Variants in RYR2 observed in about 807,000 individuals in gnomAD.
RYR2 encodes ryanodine receptor 2, also known as cardiac muscle ryanodine receptor-calcium release channel.
A neutral mutation model predicts 601.1 loss-of-function variants in RYR2; 227 were observed. That is an observed-to-expected ratio of 0.38 (90% confidence interval 0.34 to 0.42). The LOEUF is 0.42. Among genes scored for constraint, RYR2 ranks in the 10% least tolerant of loss-of-function variants. The pLI is 1.00. For missense variants in RYR2, 4,646 were observed against 6,156.5 expected (o/e 0.75, Z 8.21); for synonymous variants, 2,223 against 2,175.1 (o/e 1.02, Z -0.61).
chr1:237,586,599 A>G (rs941834084), intron 29 of RYR2, among the ~76,000 whole-genome samples: 3 of 152,226 alleles, frequency 2.0e-5, no homozygotes, highest in Non-Finnish European at 4.4e-5. Context: ...TCTGTCTGCC[A>G]TCTTCTTAGA....
intron 29 of RYR2, among the ~76,000 whole-genome samples, chr1:237,587,636 A>G (rs1277388762): frequency 1.3e-5 from 2 of 152,234 alleles, no homozygotes; most frequent in Admixed American, 6.5e-5. Context: ...GTCTCACGAA[A>G]AAAAGTATAT....
intron 16 of RYR2, among the ~76,000 whole-genome samples, chr1:237,468,545 A>G (rs776591322): frequency 3.0e-4 from 46 of 152,214 alleles, no homozygotes; most frequent in Non-Finnish European, 5.4e-4. Flanking sequence ...ATAAGAAAAT[A>G]AAAGGGTTTC....
intron 17 of RYR2, among the ~76,000 whole-genome samples, chr1:237,481,248 G>A (rs1662057836): frequency 6.6e-6 from 1 of 151,776 alleles, no homozygotes; most frequent in African/African-American, 2.4e-5. Flanking sequence ...AGCAAAATGT[G>A]CACTGCTTCT....
At chr1:237,184,714 T>G (rs1679158438) in intron 1 of RYR2, among the ~76,000 whole-genome samples, 1 of 152,222 alleles carries the variant, frequency 6.6e-6, no homozygotes, top group Non-Finnish European at 1.5e-5. Flanking sequence ...GTTCATACAT[T>G]AATATTTATC....
rs140037566 is a variant in RYR2 at position 237,249,335 on chromosome 1, G to A, written c.49-21162G>A. ...ACTGACCCAGTACAAGGTCCTCGTGGGTGATCAGATCTCACCAAAATTGGT... is the reference window on the plus strand; with the variant it reads ...ACTGACCCAGTACAAGGTCCTCGTGAGTGATCAGATCTCACCAAAATTGGT... On this transcript the variant is annotated intron_variant, in intron 1 of 104. Transcript: ENST00000366574. Among the ~76,000 whole-genome samples the A allele has an allele frequency of 4.1e-3, 617 of 152,198 alleles. 4 individuals are homozygous for A. Among genetic ancestry groups the A allele is most frequent in the African/African-American group, 0.014 (571 of 41,506 alleles).
intron 1 of RYR2, among the ~76,000 whole-genome samples, chr1:237,208,140 A>G (rs1455708969): frequency 6.6e-6 from 1 of 152,210 alleles, no homozygotes; most frequent in African/African-American, 2.4e-5. Context: ...ATATGCATGC[A>G]TTTTGTAATT....
intron 10 of RYR2, among the ~76,000 whole-genome samples, chr1:237,399,902 A>G (rs1190953414): frequency 6.6e-6 from 1 of 152,138 alleles, no homozygotes; most frequent in Non-Finnish European, 1.5e-5. Context: ...ACTAGGGGCA[A>G]GGAAGAACAA....
intron 84 of RYR2, 143 bp from the exon 85 acceptor site, chr1:237,770,664 G>T (rs1694197359): frequency 1.9e-6 from 1 of 527,278 alleles, no homozygotes. Flanking sequence ...ATGAGCTTCA[G>T]ATAGAAAAGT....
At chr1:237,743,615 C>T (rs747190796) in intron 80 of RYR2, 10 of 518,700 alleles carry the variant, frequency 1.9e-5, no homozygotes, top group East Asian at 5.4e-5. Flanking sequence ...AGGATCCCAA[C>T]GCAGCAAGGT....
At chr1:237,685,785 A>G (rs1686333465) in intron 62 of RYR2, among the ~76,000 whole-genome samples, 1 of 152,202 alleles carries the variant, frequency 6.6e-6, no homozygotes, top group African/African-American at 2.4e-5. Flanking sequence ...AGGCAGGTCA[A>G]GGGCCTCATG....
chr1:237,623,976 T>C (rs1573181977), intron 39 of RYR2, 106 bp downstream of exon 39: 10 of 724,854 alleles, frequency 1.4e-5, no homozygotes, highest in Non-Finnish European at 2.4e-5. Context: ...ATACACACGA[T>C]ACCTGTTAGA....
intron 1 of RYR2, among the ~76,000 whole-genome samples, chr1:237,053,170 A>G (rs1661498018): frequency 6.6e-6 from 1 of 152,068 alleles, no homozygotes; most frequent in Non-Finnish European, 1.5e-5. Flanking sequence ...TTTTTAGACT[A>G]TCCCGTTAGT....
Position 237,770,827 on chromosome 1 carries a change from G to T in RYR2, c.11497G>T (p.Asp3833Tyr). ...CACAGGAGAAAAGGTTCTGCAGGAC[G>T]ATGAGTTCACCTGTGACCTCTTCCG... ...EGSGEKVLQDDEFTCDLFRFL... is the reference protein window; with the variant it reads ...EGSGEKVLQDYEFTCDLFRFL... The change falls in exon 85 of 105, where the codon GAT (aspartate) becomes TAT (tyrosine). Residue 3833 changes from aspartate (D) to tyrosine (Y), a missense_variant. Physicochemically the swap from Asp to Tyr is radical, Grantham distance 160 (BLOSUM62 -3). Transcript: ENST00000366574. 1.3e-6 allele frequency: 2 copies of T among 1,553,624 alleles called. No homozygotes were observed. The highest frequency in any genetic ancestry group is 1.2e-5 in the South Asian group (1 of 84,274).
chr1:237,495,124 A>G (rs1396650871), intron 19 of RYR2, among the ~76,000 whole-genome samples: 1 of 152,156 alleles, frequency 6.6e-6, no homozygotes. Flanking sequence ...ATACATATAT[A>G]CTTATTGCAT....
In RYR2 at chr1:237,590,822, C is replaced by G; in HGVS notation, c.3990C>G (p.Pro1330=). The part of the protein sequence containing the change: ...GGLPGAGLFG[P]KNDLEDYDAD... Reference sequence around the variant, plus strand: ...TCCCTGGGGCTGGCCTTTTTGGGCCCAAGAATGACTTGGAAGATTATGATG... The same window carrying G: ...TCCCTGGGGCTGGCCTTTTTGGGCCGAAGAATGACTTGGAAGATTATGATG... The change falls in exon 31 of 105, where the codon CCC becomes CCG. Residue 1330 remains proline, a synonymous_variant. Transcript: ENST00000366574. 6.2e-7 allele frequency: 1 copy of G among 1,613,614 alleles called. No individual in the cohort carries two copies. Among genetic ancestry groups the G allele is most frequent in the Non-Finnish European group, 8.5e-7 (1 of 1,179,808 alleles).
chr1:237,709,135 G>T (rs756031954), intron 69 of RYR2, 37 bp downstream of exon 69: 3 of 1,511,698 alleles, frequency 2.0e-6, no homozygotes, highest in Middle Eastern at 1.8e-4. Context: ...TCTCCAATTC[G>T]GTCATAACGT....
At chr1:237,292,706 G>T (rs926501713) in intron 2 of RYR2, among the ~76,000 whole-genome samples, 2 of 152,150 alleles carry the variant, frequency 1.3e-5, no homozygotes, top group Non-Finnish European at 2.9e-5. Flanking sequence ...CATTTTCAAG[G>T]TTACACGTTA....
chr1:237,432,555 T>A (rs981953193), intron 12 of RYR2, among the ~76,000 whole-genome samples: 3 of 152,132 alleles, frequency 2.0e-5, no homozygotes, highest in East Asian at 1.9e-4. Context: ...ACTTCCAAAT[T>A]CTTCGAAATT....
At chr1:237,365,411 C>T (rs1700103179) in intron 5 of RYR2, among the ~76,000 whole-genome samples, 1 of 152,144 alleles carries the variant, frequency 6.6e-6, no homozygotes, top group African/African-American at 2.4e-5. Context: ...AGTGCGAATT[C>T]GGCGTTTTGG....
Sources: gnomAD v4.1 joint callset for allele counts (sites outside exome capture counted in the v4.1 genomes callset) on GRCh38, gnomAD v4.1.1 for gene constraint, MANE v1.5 for transcripts, NCBI Gene and HGNC (gene_info 2026-07-23, HGNC 2026-07-21) for gene names.